The following DHX16 variants were observed in gnomAD, a reference collection of about 807,000 sequenced individuals.
DHX16 encodes pre-mRNA-splicing factor ATP-dependent RNA helicase DHX16.
Under a neutral mutation model 131.2 loss-of-function variants are expected in DHX16, and 81 were observed. That is an observed-to-expected ratio of 0.62 (90% CI 0.52 to 0.74). DHX16 has a LOEUF of 0.74. Among genes scored for constraint, DHX16 ranks in the 30% least tolerant of loss-of-function variants. The probability of loss-of-function intolerance (pLI) is 0.00; values close to 1 mark genes in which losing one functional copy is unlikely to be tolerated. For synonymous variants in DHX16, 440 were observed against 520.2 expected (o/e 0.85, Z 2.10); for missense variants, 980 against 1,363.1 (o/e 0.72, Z 4.43).
At position 30,655,256 on chromosome 6, in the gene DHX16, C is replaced by A. The variant is rs910410232; in HGVS notation, c.2742G>T (p.Val914=). ...CCAAGAGCCCTTCCAGCTGTTCCCG[C>A]ACATCCCGGGCTCGGCGCATCGATC... ...QFRSMRRARD[V]REQLEGLLER... is the part of the protein sequence containing the mutation. Residue 914 remains valine (V), a synonymous_variant, in exon 18 of 20, where the codon GTG becomes GTT. Coordinates refer to ENST00000376442, the MANE Select transcript of DHX16 (RefSeq NM_003587.5). 1.9e-6 allele frequency: 3 copies of A among 1,614,186 alleles called. No homozygotes were observed. The Admixed American group carries it at 5.0e-5, about 27-fold the overall frequency.
intron 17 of DHX16, 31 bp from the exon 18 acceptor site, chr6:30,655,367 T>C (rs781539950): frequency 6.2e-7 from 1 of 1,613,630 alleles, no homozygotes. Context: ...AAAGGAGAGA[T>C]AATTAAGTAT....
intron 4 of DHX16, among the ~76,000 whole-genome samples, chr6:30,668,544 G>A (rs1463865197): frequency 1.3e-5 from 2 of 151,978 alleles, no homozygotes; most frequent in Non-Finnish European, 2.9e-5. Context: ...CCAGCTGCTC[G>A]GGAGGTTGAG....
intron 9 of DHX16, among the ~76,000 whole-genome samples, chr6:30,661,374 C>T (rs1001490840): frequency 2.4e-4 from 37 of 152,268 alleles, no homozygotes; most frequent in African/African-American, 5.1e-4. Flanking sequence ...TGAGCCACCG[C>T]TCCCGGCTGA....
rs372254519 is a variant in DHX16, at chr6:30,665,034, G to C, written c.1125+37C>G. 3.1e-6 allele frequency: 5 copies of C among 1,613,566 alleles called. No homozygotes were observed. In the African/African-American group the frequency reaches 6.7e-5, roughly 22 times the overall value. Reference sequence around the variant, plus strand: ...AGGTGTGAGCTAAATAGCTCGCTACGGGTCTTCCTCAGAAAGTCTCCCAGC... The same window carrying C: ...AGGTGTGAGCTAAATAGCTCGCTACCGGTCTTCCTCAGAAAGTCTCCCAGC... On this transcript the variant is annotated intron_variant, in intron 6 of 19. Transcript: ENST00000376442. The surrounding 1 kb of genome is among the most constrained non-coding windows in gnomAD (Gnocchi z 4.8).
rs1562006314 is a variant in DHX16, at chr6:30,672,957, T to G, written c.-116A>C. The stretch of plus-strand genomic sequence containing the variant: ...GCCTCAGCTTCGCAAGTCAGCTACC[T>G]TGGGACCTCTAGGATCTTCCGACAT... On this transcript the variant is annotated 5_prime_UTR_variant, in exon 1 of 20. Transcript: ENST00000376442. The G allele has an allele frequency of 3.2e-6, 5 of 1,554,426 alleles. No homozygotes were observed. In the South Asian group the frequency reaches 3.5e-5, roughly 11 times the overall value.
At chr6:30,661,670 G>A (rs1768529837) in intron 9 of DHX16, 10 of 698,312 alleles carry the variant, frequency 1.4e-5, no homozygotes, top group Non-Finnish European at 2.4e-5. Context: ...TTTGTTCTTT[G>A]GCTTTTCTGG....
chr6:30,667,747 G>A (rs1357304700), intron 4 of DHX16, among the ~76,000 whole-genome samples: 1 of 152,084 alleles, frequency 6.6e-6, no homozygotes, highest in Non-Finnish European at 1.5e-5. Flanking sequence ...CCCGTGATAT[G>A]ACATAATATG....
chr6:30,670,716 C>T lies in DHX16; in HGVS notation c.609+74G>A. ...CCCTTGTCTTCCCAGAGATCACTAT[C>T]TCTGCACTCACAGCCAACCTCAGAT... On this transcript the variant is annotated intron_variant, in intron 3 of 19. Transcript: ENST00000376442. The surrounding 1 kb of genome is among the most constrained non-coding windows in gnomAD (Gnocchi z 4.4). 2 of 1,588,780 alleles carry T rather than the reference C, an allele frequency of 1.3e-6. No individual in the cohort carries two copies. The highest frequency in any genetic ancestry group is 8.6e-7 in the Non-Finnish European group (1 of 1,165,306).
At position 30,665,351 on chromosome 6, in the gene DHX16, C is replaced by A; in HGVS notation, c.922-77G>T. The A allele has an allele frequency of 6.3e-7, 1 of 1,587,990 alleles. No homozygotes were observed. Among genetic ancestry groups the A allele is most frequent in the Non-Finnish European group, 8.6e-7 (1 of 1,168,392 alleles). On this transcript the variant is annotated intron_variant, in intron 5 of 19. Coordinates refer to ENST00000376442, the MANE Select transcript of DHX16 (RefSeq NM_003587.5). The surrounding 1 kb of genome is among the most constrained non-coding windows in gnomAD (Gnocchi z 4.8). ...CCTCTCCCCTCTTCCCATTACTACCCCCGCCCACTGCCCATTGGGAACGGC... is the reference window on the plus strand; with the variant it reads ...CCTCTCCCCTCTTCCCATTACTACCACCGCCCACTGCCCATTGGGAACGGC...
At chr6:30,664,639 C>T (rs558121216) in intron 7 of DHX16, among the ~76,000 whole-genome samples, 162 bp downstream of exon 7, 2 of 152,242 alleles carry the variant, frequency 1.3e-5, no homozygotes, top group Admixed American at 6.5e-5. Flanking sequence ...GAAGTGAGAA[C>T]AGAAATGTGA....
rs778702403 is a variant in DHX16 at position 30,661,853 on chromosome 6, C to T, written c.1544+774G>A. 2.1e-5 allele frequency: 15 copies of T among 717,910 alleles called. 1 individual carries two copies. The South Asian group carries it at 2.2e-4, about 11-fold the overall frequency. The allele number at this position is 717,910 out of a possible 1,614,324, so 44.5% of individuals were successfully genotyped here. A position where few individuals can be genotyped will look rare whatever the true frequency, so the allele number is the denominator to read the frequency against. Reference sequence around the variant, plus strand: ...AGACACTCTTGCGCTGGCTGGCTCTCCATGGGTTCTTAGAGATCTTTTGCA... The same window carrying T: ...AGACACTCTTGCGCTGGCTGGCTCTTCATGGGTTCTTAGAGATCTTTTGCA... On this transcript the variant is annotated intron_variant, in intron 9 of 19. Transcript: ENST00000376442.
chr6:30,672,624 C>T lies in DHX16; in HGVS notation c.207+11G>A, dbSNP rs1186220100. On this transcript the variant is annotated intron_variant, in intron 1 of 19. Transcript: ENST00000376442. ...ACAAATCACAGGGCCCCTCCCCACC[C>T]CTGCCGACACCTTGTTCCAGAGTCT... 1 of 1,604,740 alleles carries T rather than the reference C, an allele frequency of 6.2e-7. No individual in the cohort carries two copies. The highest frequency in any genetic ancestry group is 2.2e-5 in the East Asian group (1 of 44,566).
At chr6:30,659,913 C>T (rs749854257) in intron 10 of DHX16, 79 bp from the exon 11 acceptor site, 145 of 1,556,996 alleles carry the variant, frequency 9.3e-5, no homozygotes, top group Middle Eastern at 5.3e-4. Flanking sequence ...ATTCAACATA[C>T]ACTTTATCCT....
chr6:30,657,092 C>T lies in DHX16; in HGVS notation c.2008G>A (p.Val670Met), dbSNP rs755572358. The change falls in exon 13 of 20, where the codon GTG becomes ATG. Residue 670 changes from valine (V) to methionine (M), a missense_variant and splice_region_variant. Physicochemically the swap from Val to Met is conservative, Grantham distance 21 (BLOSUM62 1). Around this residue, in one of 3 missense-constraint regions of DHX16, gnomAD observed 309 missense variants for 537.1 expected, o/e 0.58. Transcript: ENST00000376442. ...TCAGCAATGTTCGTTGCCACAACCACCTGAGTGATAGGATATGGGGTCACC... is the reference window on the plus strand; with the variant it reads ...TCAGCAATGTTCGTTGCCACAACCATCTGAGTGATAGGATATGGGGTCACC... Reference protein sequence around the residue: ...FQPTPPGARKVVVATNIAETS... With the variant: ...FQPTPPGARKMVVATNIAETS... The T allele has an allele frequency of 6.2e-7, 1 of 1,612,028 alleles. No homozygotes were observed. Among genetic ancestry groups the T allele is most frequent in the Non-Finnish European group, 8.5e-7 (1 of 1,179,456 alleles).
At chr6:30,668,761 G>A (rs1298719450) in intron 4 of DHX16, among the ~76,000 whole-genome samples, 1 of 152,128 alleles carries the variant, frequency 6.6e-6, no homozygotes, top group Non-Finnish European at 1.5e-5. Context: ...GAAGAGATAT[G>A]AGATAAATTG....
intron 19 of DHX16, among the ~76,000 whole-genome samples, chr6:30,653,616 T>TCTTCAAAGTGCTAGGATCCTGC (rs1767665794): frequency 6.7e-6 from 1 of 150,258 alleles, no homozygotes; most frequent in African/African-American, 2.5e-5. Flanking sequence ...CCTGGGCTGA[T>TCTTCAAAGTGCTAGGATCCTGC]CTTGGCCTCC....
chr6:30,663,929 G>A (rs1768760708), intron 7 of DHX16, among the ~76,000 whole-genome samples: 1 of 151,744 alleles, frequency 6.6e-6, no homozygotes, highest in Non-Finnish European at 1.5e-5. Flanking sequence ...GGAGGCTGAG[G>A]CAGGAGAATC....
chr6:30,657,735 G>A (rs1407521632), intron 12 of DHX16, among the ~76,000 whole-genome samples: 3 of 152,068 alleles, frequency 2.0e-5, no homozygotes, highest in African/African-American at 7.3e-5. Flanking sequence ...TCTTCTCCCA[G>A]ATATCAGCCT....
Position 30,671,086 on chromosome 6 carries a change from A to G in DHX16, c.396T>C (p.Arg132=). The stretch of plus-strand genomic sequence containing the variant: ...AAGCCTCTTCCTCCTCTTCTTCCTC[A>G]CGCTTCTTCCTGAGGTGTTTCCGCT... ...RKKRKHLRKK[R]EEEEEEEASE... The change falls in exon 2 of 20, where the codon CGT becomes CGC. Residue 132 remains arginine (R), a synonymous_variant. Transcript: ENST00000376442. 5 of 1,612,656 alleles carry G rather than the reference A, an allele frequency of 3.1e-6. No individual in the cohort carries two copies. The highest frequency in any genetic ancestry group is 4.2e-6 in the Non-Finnish European group (5 of 1,179,922).
Sources: allele counts gnomAD v4.1 joint callset (sites outside exome capture counted in the v4.1 genomes callset), GRCh38; gene constraint gnomAD v4.1.1; regional missense constraint gnomAD v4.1.1; non-coding constraint Gnocchi (gnomAD v3.1); transcripts MANE v1.5; gene names NCBI Gene and HGNC (gene_info 2026-07-23, HGNC 2026-07-21).